DLGAP2: variants seen among roughly 807,000 people sequenced by gnomAD.
The protein encoded by DLGAP2 is DLG associated protein 2.
In DLGAP2, 26 loss-of-function variants were observed where a neutral mutation model predicts 100.3. The observed-to-expected ratio is 0.26, with a 90% CI of 0.19 to 0.36. The LOEUF (loss-of-function observed/expected upper bound fraction) is 0.36. DLGAP2 is among the 10% of genes least tolerant of loss of function. DLGAP2 has a pLI of 1.00. For missense variants in DLGAP2, 1,858 were observed against 1,453.2 expected, an observed-to-expected ratio of 1.28 and a Z score of -4.53; for synonymous variants, 886 against 630.1, an observed-to-expected ratio of 1.41 and a Z score of -6.08.
At chr8:1,093,725 A>G (rs539571455) in intron 2 of DLGAP2, among the ~76,000 whole-genome samples, 1 of 152,388 alleles carries the variant, frequency 6.6e-6, no homozygotes, top group African/African-American at 2.4e-5. Flanking sequence ...ACACCTTCAC[A>G]CTGACAGCCA....
chr8:1,488,794 G>A (rs1799295634), intron 3 of DLGAP2, among the ~76,000 whole-genome samples: 1 of 152,186 alleles, frequency 6.6e-6, no homozygotes, highest in Admixed American at 6.5e-5. Flanking sequence ...CTCTCAGGCA[G>A]CTGCAGTCAG....
chr8:1,647,488 C>CAAAAAAAAAAAAAA lies in DLGAP2; in HGVS notation c.1810+14467_1810+14480dup, dbSNP rs567451595. Among the ~76,000 whole-genome samples, 9 of 44,982 alleles carry CAAAAAAAAAAAAAA rather than the reference C, an allele frequency of 2.0e-4. 2 individuals carry two copies. Among genetic ancestry groups the CAAAAAAAAAAAAAA allele is most frequent in the Non-Finnish European group, 4.6e-4 (8 of 17,214 alleles). 29.5% of individuals were successfully genotyped at this position (44,982 alleles called of 152,430 possible). A position where few individuals can be genotyped will look rare whatever the true frequency, so the allele number is the denominator to read the frequency against. On this transcript the variant is annotated intron_variant, in intron 8 of 14. Transcript: ENST00000637795. ...TGGGAGACAGAGAGAGACTCTGTCT[C>CAAAAAAAAAAAAAA]AAAAAAAAAAAAAAAAAAAAAAAAA...
chr8:1,415,880 C>T (rs2129904843), intron 3 of DLGAP2, among the ~76,000 whole-genome samples: 1 of 152,282 alleles, frequency 6.6e-6, no homozygotes, highest in Non-Finnish European at 1.5e-5. Flanking sequence ...AATCTTCAAG[C>T]TGCTTTCCAT....
At chr8:1,054,675 A>G (rs536524404) in intron 2 of DLGAP2, among the ~76,000 whole-genome samples, 1 of 152,312 alleles carries the variant, frequency 6.6e-6, no homozygotes, top group East Asian at 1.9e-4. Context: ...AATTTAAATA[A>G]AACAATGCAC....
intron 2 of DLGAP2, among the ~76,000 whole-genome samples, chr8:988,475 C>T (rs777234623): frequency 1.5e-4 from 23 of 152,132 alleles, no homozygotes; most frequent in Non-Finnish European, 2.6e-4. Context: ...AGGGATGTGG[C>T]GTCTTCTTTT....
chr8:1,467,434 C>T (rs1170983272), intron 3 of DLGAP2, among the ~76,000 whole-genome samples: 1 of 151,610 alleles, frequency 6.6e-6, no homozygotes, highest in Non-Finnish European at 1.5e-5. Context: ...CAGAGAGACC[C>T]AGGACCCCCA....
chr8:1,083,084 C>T (rs1348161891), intron 2 of DLGAP2, among the ~76,000 whole-genome samples: 2 of 152,152 alleles, frequency 1.3e-5, no homozygotes, highest in East Asian at 1.9e-4. Context: ...CAACAAGAGA[C>T]GTGATCAGTT....
chr8:938,785 G>C (rs1172975804), intron 2 of DLGAP2, among the ~76,000 whole-genome samples: 2 of 152,200 alleles, frequency 1.3e-5, no homozygotes, highest in Non-Finnish European at 1.5e-5. Flanking sequence ...CAGCACAGGG[G>C]CCACGGGAGC....
chr8:1,036,192 G>A (rs1441201046), intron 2 of DLGAP2, among the ~76,000 whole-genome samples: 3 of 150,328 alleles, frequency 2.0e-5, no homozygotes, highest in African/African-American at 7.4e-5. Context: ...GTGTCACCGC[G>A]AGTGGGTTCA....
At chr8:1,200,219 G>A (rs1797841084) in intron 2 of DLGAP2, among the ~76,000 whole-genome samples, 1 of 152,184 alleles carries the variant, frequency 6.6e-6, no homozygotes. Context: ...CCTTCCTCCT[G>A]GGACAGCTTC....
At chr8:1,162,566 TAGTC>T (rs2129052798) in intron 2 of DLGAP2, among the ~76,000 whole-genome samples, 1 of 152,344 alleles carries the variant, frequency 6.6e-6, no homozygotes, top group South Asian at 2.1e-4. Flanking sequence ...AGTCTGGTAA[TAGTC>T]AATGACATTC....
chr8:1,167,882 C>A (rs1313360132), intron 2 of DLGAP2, among the ~76,000 whole-genome samples: 3 of 144,206 alleles, frequency 2.1e-5, no homozygotes, highest in South Asian at 4.8e-4. Flanking sequence ...TAACCTGAGT[C>A]CATTTTTTTT....
chr8:1,096,194 G>A (rs1804360549), intron 2 of DLGAP2, among the ~76,000 whole-genome samples: 1 of 152,182 alleles, frequency 6.6e-6, no homozygotes, highest in African/African-American at 2.4e-5. Context: ...ACTTTCCATG[G>A]TTGCTGCCAA....
intron 2 of DLGAP2, among the ~76,000 whole-genome samples, chr8:953,402 C>T (rs1355901656): frequency 6.6e-6 from 1 of 152,160 alleles, no homozygotes. Flanking sequence ...CCATGTTGGC[C>T]AGGCTGGTCT....
At chr8:884,552 T>C (rs922915662) in intron 1 of DLGAP2, among the ~76,000 whole-genome samples, 44 of 152,188 alleles carry the variant, frequency 2.9e-4, no homozygotes, top group African/African-American at 9.4e-4. Context: ...GATGGGTAGA[T>C]TGCAAAAATT....
intron 2 of DLGAP2, among the ~76,000 whole-genome samples, chr8:1,070,378 A>G (rs193073761): frequency 9.2e-5 from 14 of 152,184 alleles, no homozygotes; most frequent in Admixed American, 5.2e-4. Flanking sequence ...CCATGGCCCA[A>G]TAAATCTCGT....
intron 3 of DLGAP2, among the ~76,000 whole-genome samples, chr8:1,454,312 C>A (rs1291978403): frequency 6.6e-6 from 1 of 152,150 alleles, no homozygotes; most frequent in African/African-American, 2.4e-5. Flanking sequence ...ACAGTAGCAT[C>A]CATGGCAGTC....
chr8:1,418,673 G>A (rs116176581), intron 3 of DLGAP2, among the ~76,000 whole-genome samples: 1,736 of 151,982 alleles, frequency 0.011, 25 homozygotes, highest in African/African-American at 0.035. Flanking sequence ...CTACACTCAC[G>A]CCAATACTTC....
intron 2 of DLGAP2, among the ~76,000 whole-genome samples, chr8:1,230,594 C>G (rs1798515623): frequency 6.6e-6 from 1 of 152,168 alleles, no homozygotes; most frequent in Non-Finnish European, 1.5e-5. Context: ...CATCATGTTA[C>G]CTGACTTCAA....
Sources: allele counts gnomAD v4.1 joint callset (sites outside exome capture counted in the v4.1 genomes callset), GRCh38; gene constraint gnomAD v4.1.1; transcripts MANE v1.5; gene names NCBI Gene and HGNC (gene_info 2026-07-23, HGNC 2026-07-21).